DENND5B: variants seen among roughly 807,000 people sequenced by gnomAD.
DENND5B encodes DENN domain containing 5B.
Under a neutral mutation model 140.6 loss-of-function variants are expected in DENND5B, and 34 were observed. That is an observed-to-expected ratio of 0.24 (90% CI 0.18 to 0.32). The LOEUF is 0.32. Ranked by LOEUF, DENND5B falls within the 10% of genes least tolerant of loss-of-function variation. The probability of loss-of-function intolerance (pLI) is 1.00; values close to 1 mark genes in which losing one functional copy is unlikely to be tolerated. For synonymous variants in DENND5B, 551 were observed against 562.1 expected (o/e 0.98, Z 0.28); for missense variants, 1,142 against 1,560.2 (o/e 0.73, Z 4.52).
At position 31,456,853 on chromosome 12, in the gene DENND5B, A is replaced by C. The variant is rs956026768; in HGVS notation, c.1092+3341T>G. On this transcript the variant is annotated intron_variant, in intron 4 of 20. Coordinates refer to ENST00000389082, the MANE Select transcript of DENND5B (RefSeq NM_144973.4). ...GTAATCTTTGGAAAGCCAAAGCCAG[A>C]GGATCGCTTGAGCCCAAGAGTTCAA... 4.7e-4 allele frequency among the ~76,000 whole-genome samples: 71 copies of C among 152,244 alleles called. 1 individual carries two copies. The highest frequency in any genetic ancestry group is 1.6e-3 in the African/African-American group (68 of 41,552).
At chr12:31,554,063 ATT>A (rs962752353) in intron 1 of DENND5B, among the ~76,000 whole-genome samples, 2 of 152,182 alleles carry the variant, frequency 1.3e-5, no homozygotes, top group African/African-American at 4.8e-5. Flanking sequence ...GCCCATTTAC[ATT>A]TAAAGTTAAT....
At position 31,451,907 on chromosome 12, in the gene DENND5B, T is replaced by C. The variant is rs371167137; in HGVS notation, c.1629+33A>G. ...TTAAAATCAATAATAAAGCCACTAA[T>C]AACCACAAAAGGAAAACTATGGTTC... On this transcript the variant is annotated intron_variant, in intron 5 of 20. Transcript: ENST00000389082. 297 of 1,608,218 alleles carry C rather than the reference T, an allele frequency of 1.8e-4. 1 individual carries two copies. In the East Asian group the frequency reaches 4.8e-3, roughly 26 times the overall value.
intron 1 of DENND5B, among the ~76,000 whole-genome samples, chr12:31,524,102 G>A (rs1469146866): frequency 6.8e-6 from 1 of 147,878 alleles, no homozygotes; most frequent in African/African-American, 2.5e-5. Context: ...CAATCCAAGT[G>A]GTGACGAATC....
chr12:31,556,523 A>G (rs1949286866), intron 1 of DENND5B, among the ~76,000 whole-genome samples: 2 of 152,170 alleles, frequency 1.3e-5, no homozygotes, highest in South Asian at 4.1e-4. Flanking sequence ...CTTAATTTTC[A>G]AAAGAGAACT....
intron 3 of DENND5B, 39 bp from the exon 4 acceptor site, chr12:31,460,420 G>A: frequency 4.5e-6 from 7 of 1,564,296 alleles, no homozygotes; most frequent in Non-Finnish European, 6.1e-6. Flanking sequence ...AAGAGTCCAA[G>A]TAAAAACACA....
At chr12:31,538,125 C>T (rs1007199886) in intron 1 of DENND5B, among the ~76,000 whole-genome samples, 36 of 152,260 alleles carry the variant, frequency 2.4e-4, no homozygotes, top group African/African-American at 8.2e-4. Context: ...GAACATCAGA[C>T]TTAATCTGTA....
intron 2 of DENND5B, among the ~76,000 whole-genome samples, chr12:31,485,691 G>A (rs1946273676): frequency 6.6e-6 from 1 of 152,176 alleles, no homozygotes; most frequent in Non-Finnish European, 1.5e-5. Flanking sequence ...AAGTGACAGA[G>A]TGACTTTTGA....
chr12:31,527,984 G>A (rs1240987167), intron 1 of DENND5B, among the ~76,000 whole-genome samples: 1 of 152,186 alleles, frequency 6.6e-6, no homozygotes, highest in Non-Finnish European at 1.5e-5. Context: ...CAAAAAAGGT[G>A]AGGGAGATTA....
intron 2 of DENND5B, among the ~76,000 whole-genome samples, chr12:31,485,784 G>C (rs1454990771): frequency 1.3e-5 from 2 of 151,594 alleles, no homozygotes; most frequent in Non-Finnish European, 2.9e-5. Flanking sequence ...AACACACTCT[G>C]GGAGCCCTGA....
intron 7 of DENND5B, among the ~76,000 whole-genome samples, chr12:31,441,137 G>C (rs923996206): frequency 1.3e-5 from 2 of 152,112 alleles, no homozygotes; most frequent in Non-Finnish European, 2.9e-5. Flanking sequence ...GAGCCCAGAA[G>C]TTCAACACCA....
At chr12:31,420,469 C>G (rs1188034997) in intron 11 of DENND5B, among the ~76,000 whole-genome samples, 4 of 146,584 alleles carry the variant, frequency 2.7e-5, no homozygotes, top group Non-Finnish European at 6.0e-5. Flanking sequence ...TTTGAGACAG[C>G]ATCTTGCTCT....
At position 31,472,218 on chromosome 12, in the gene DENND5B, C is replaced by T. The variant is rs188582824; in HGVS notation, c.904+7371G>A. Among the ~76,000 whole-genome samples, 14 of 152,286 alleles carry T rather than the reference C, an allele frequency of 9.2e-5. No homozygotes were observed. In the East Asian group the frequency reaches 2.5e-3, roughly 27 times the overall value. ...AAAACATTAATAATGAGTCAAAGGA[C>T]TCAACCCAGCAGGGTGGAAATTTTT... On this transcript the variant is annotated intron_variant, in intron 3 of 20. Transcript: ENST00000389082.
intron 6 of DENND5B, among the ~76,000 whole-genome samples, chr12:31,445,570 T>C (rs574049648): frequency 1.3e-5 from 2 of 152,038 alleles, no homozygotes; most frequent in South Asian, 2.1e-4. Flanking sequence ...CCAGGCATGG[T>C]GGCATGCATC....
At chr12:31,392,746 A>C in intron 17 of DENND5B, 50 bp from the exon 18 acceptor site, 1 of 1,509,590 alleles carries the variant, frequency 6.6e-7, no homozygotes, top group Non-Finnish European at 9.0e-7. Flanking sequence ...GAAATAAACC[A>C]AAGTACTATG....
At chr12:31,394,095 G>T (rs898779154) in intron 17 of DENND5B, among the ~76,000 whole-genome samples, 3 of 152,058 alleles carry the variant, frequency 2.0e-5, no homozygotes, top group African/African-American at 7.2e-5. Context: ...ATGGCCTCTT[G>T]TTCCTAGTGG....
chr12:31,550,242 G>A (rs1252075087), intron 1 of DENND5B, among the ~76,000 whole-genome samples: 4 of 118,516 alleles, frequency 3.4e-5, no homozygotes, highest in Non-Finnish European at 6.5e-5. Flanking sequence ...AGTCCCCAGT[G>A]TGTGATGTTC....
chr12:31,444,994 A>G (rs1339504807), intron 6 of DENND5B, among the ~76,000 whole-genome samples: 1 of 152,194 alleles, frequency 6.6e-6, no homozygotes, highest in Non-Finnish European at 1.5e-5. Flanking sequence ...ACTTTGATCT[A>G]TTTAAGTAAA....
chr12:31,506,555 G>A lies in DENND5B; in HGVS notation c.128-10636C>T, dbSNP rs913442970. Reference sequence around the variant, plus strand: ...ACAGACCCCACAAGTAAAAGGGTACGCTCCCAAATAGGCGTGCCCTTATTT... The same window carrying A: ...ACAGACCCCACAAGTAAAAGGGTACACTCCCAAATAGGCGTGCCCTTATTT... On this transcript the variant is annotated intron_variant, in intron 1 of 20. Transcript: ENST00000389082. Among the ~76,000 whole-genome samples, 30 of 152,116 alleles carry A rather than the reference G, an allele frequency of 2.0e-4. 1 individual carries two copies. The highest frequency in any genetic ancestry group is 8.8e-5 in the Non-Finnish European group (6 of 68,028).
Position 31,557,926 on chromosome 12 carries a change from G to A in DENND5B, c.127+32780C>T, listed in dbSNP as rs188831075. ...GTCTCCCAACCCTTCAGCCAGGCAT[G>A]GTAGTAGTCCCAGCTATTTTGGAGG... On this transcript the variant is annotated intron_variant, in intron 1 of 20. Coordinates refer to ENST00000389082, the MANE Select transcript of DENND5B (RefSeq NM_144973.4). 3.3e-5 allele frequency among the ~76,000 whole-genome samples: 5 copies of A among 152,100 alleles called. No homozygotes were observed. In the East Asian group the frequency reaches 9.7e-4, roughly 29 times the overall value.
Sources: gnomAD v4.1 joint callset for allele counts (sites outside exome capture counted in the v4.1 genomes callset) on GRCh38, gnomAD v4.1.1 for gene constraint, MANE v1.5 for transcripts, NCBI Gene and HGNC (gene_info 2026-07-23, HGNC 2026-07-21) for gene names.